Variants in ARHGEF12 observed in about 807,000 individuals in gnomAD.
ARHGEF12 encodes the protein Rho guanine nucleotide exchange factor 12, also known as KMT2A/ARHGEF12 fusion protein.
In ARHGEF12, 66 loss-of-function variants were observed where a neutral mutation model predicts 211.2. That is an observed-to-expected ratio of 0.31 (90% CI 0.26 to 0.38). The LOEUF (loss-of-function observed/expected upper bound fraction) is 0.38. Among genes scored for constraint, ARHGEF12 ranks in the 10% least tolerant of loss-of-function variants. The pLI is 1.00. For missense variants in ARHGEF12, 1,429 were observed against 1,869.5 expected, an observed-to-expected ratio of 0.76 and a Z score of 4.34; for synonymous variants, 592 against 638.4, an observed-to-expected ratio of 0.93 and a Z score of 1.09.
intron 1 of ARHGEF12, 52 bp downstream of exon 1, chr11:120,337,327 G>T: frequency 6.2e-7 from 1 of 1,612,590 alleles, no homozygotes; most frequent in East Asian, 2.2e-5. Flanking sequence ...GCCCGACCTA[G>T]CAGGGGAGTC....
chr11:120,467,188 T>C lies in ARHGEF12; in HGVS notation c.2740-6T>C. 1 of 1,576,810 alleles carries C rather than the reference T, an allele frequency of 6.3e-7. No homozygotes were observed. The highest frequency in any genetic ancestry group is 8.7e-7 in the Non-Finnish European group (1 of 1,148,426). Reference sequence around the variant, plus strand: ...TACAGATTCACTTATTTCACTTTAATTTTAGGATGCTGAAAGTAATCCACT... The same window carrying C: ...TACAGATTCACTTATTTCACTTTAACTTTAGGATGCTGAAAGTAATCCACT... On this transcript the variant is annotated splice_polypyrimidine_tract_variant and splice_region_variant and intron_variant, in intron 28 of 40. Coordinates refer to ENST00000397843, the MANE Select transcript of ARHGEF12 (RefSeq NM_015313.3).
chr11:120,429,303 A>G (rs1439299066), intron 8 of ARHGEF12, 137 bp from the exon 9 acceptor site: 7 of 597,290 alleles, frequency 1.2e-5, no homozygotes, highest in Non-Finnish European at 1.7e-5. Context: ...CTGTCCACAT[A>G]ACCCGGAAGT....
intron 1 of ARHGEF12, among the ~76,000 whole-genome samples, chr11:120,362,617 C>G (rs1294519598): frequency 6.6e-6 from 1 of 152,010 alleles, no homozygotes; most frequent in Non-Finnish European, 1.5e-5. Flanking sequence ...AGACTTGTCA[C>G]TGAAAAAAAA....
intron 1 of ARHGEF12, among the ~76,000 whole-genome samples, chr11:120,388,029 G>C (rs1428703677): frequency 1.3e-5 from 2 of 152,030 alleles, no homozygotes; most frequent in Non-Finnish European, 1.5e-5. Flanking sequence ...CACCACAATT[G>C]AGAAAATAAA....
At chr11:120,455,212 A>AG (rs2135870326) in intron 22 of ARHGEF12, among the ~76,000 whole-genome samples, 1 of 152,324 alleles carries the variant, frequency 6.6e-6, no homozygotes, top group African/African-American at 2.4e-5. Context: ...AAACAACAGG[A>AG]GAAAGTTTCC....
At chr11:120,421,701 A>G in intron 5 of ARHGEF12, 102 bp from the exon 6 acceptor site, 1 of 1,079,858 alleles carries the variant, frequency 9.3e-7, no homozygotes, top group South Asian at 1.3e-5. Flanking sequence ...CTCCCAAAGG[A>G]CAGCCCATGT....
In ARHGEF12 at chr11:120,447,095, A is replaced by T; in HGVS notation, c.1589+10A>T. 1 of 1,613,578 alleles carries T rather than the reference A, an allele frequency of 6.2e-7. No homozygotes were observed. The highest frequency in any genetic ancestry group is 8.5e-7 in the Non-Finnish European group (1 of 1,179,728). ...AAATTGAAGAAGTATTGTAAGTAAT[A>T]GAAGTATATGTGGAAATGCCCTCTC... is the stretch of plus-strand genomic sequence containing the variant. On this transcript the variant is annotated intron_variant, in intron 18 of 40. Transcript: ENST00000397843.
intron 1 of ARHGEF12, among the ~76,000 whole-genome samples, chr11:120,338,712 C>T (rs150184114): frequency 2.0e-5 from 3 of 152,262 alleles, no homozygotes; most frequent in African/African-American, 7.2e-5. Context: ...TCAATTCTCG[C>T]TCTTTCTGTT....
chr11:120,477,571 T>A (rs756005144), intron 36 of ARHGEF12, 45 bp downstream of exon 36: 1 of 1,559,010 alleles, frequency 6.4e-7, no homozygotes, highest in Non-Finnish European at 8.8e-7. Flanking sequence ...CTCTATTATC[T>A]GTTAAAATGC....
chr11:120,346,475 T>G (rs1942723901), intron 1 of ARHGEF12, among the ~76,000 whole-genome samples: 1 of 152,212 alleles, frequency 6.6e-6, no homozygotes, highest in South Asian at 2.1e-4. Context: ...TCAGCTCACA[T>G]GTCAGTGGCC....
intron 1 of ARHGEF12, among the ~76,000 whole-genome samples, chr11:120,350,254 G>A (rs1315454489): frequency 6.6e-6 from 1 of 152,162 alleles, no homozygotes; most frequent in Non-Finnish European, 1.5e-5. Flanking sequence ...GGTGGCTCAC[G>A]CTTGTAATCC....
intron 37 of ARHGEF12, among the ~76,000 whole-genome samples, 154 bp from the exon 38 acceptor site, chr11:120,479,806 A>G (rs1303273568): frequency 6.6e-6 from 1 of 152,264 alleles, no homozygotes; most frequent in Non-Finnish European, 1.5e-5. Flanking sequence ...ATGAAGTAAG[A>G]TGATTGTATG....
At chr11:120,430,111 GAT>G (rs942689963) in intron 10 of ARHGEF12, among the ~76,000 whole-genome samples, 12 of 151,104 alleles carry the variant, frequency 7.9e-5, no homozygotes, top group African/African-American at 1.9e-4. Flanking sequence ...AATGTATTTA[GAT>G]ATATATATAT....
At chr11:120,466,404 A>G (rs566714988) in intron 28 of ARHGEF12, among the ~76,000 whole-genome samples, 86 of 152,360 alleles carry the variant, frequency 5.6e-4, no homozygotes, top group Non-Finnish European at 1.1e-3. Context: ...CCAGGCCAGT[A>G]GGAATGTGGC....
At chr11:120,389,756 C>G (rs1944156374) in intron 1 of ARHGEF12, among the ~76,000 whole-genome samples, 1 of 152,178 alleles carries the variant, frequency 6.6e-6, no homozygotes, top group African/African-American at 2.4e-5. Flanking sequence ...TTAGCTTCCA[C>G]AAATGAGTGA....
chr11:120,337,952 G>GT, intron 1 of ARHGEF12: 1 of 961,572 alleles, frequency 1.0e-6, no homozygotes, highest in Non-Finnish European at 1.2e-6. Context: ...GATATAAGCC[G>GT]TAAGCATAGT....
At chr11:120,412,106 T>G (rs1053301011) in intron 4 of ARHGEF12, among the ~76,000 whole-genome samples, 4 of 152,230 alleles carry the variant, frequency 2.6e-5, no homozygotes, top group Non-Finnish European at 4.4e-5. Context: ...CCTTTCTACC[T>G]GTTAGAGTCT....
In ARHGEF12 at chr11:120,476,646, T is replaced by C. The variant is rs748160253; in HGVS notation, c.3278-15T>C. On this transcript the variant is annotated splice_polypyrimidine_tract_variant and intron_variant, in intron 33 of 40. Coordinates refer to ENST00000397843, the MANE Select transcript of ARHGEF12 (RefSeq NM_015313.3). Reference sequence around the variant, plus strand: ...AGGTCATAGTATTAGAGTAATCTTGTATTGTTTTTTCCAGATAACAAAGCT... The same window carrying C: ...AGGTCATAGTATTAGAGTAATCTTGCATTGTTTTTTCCAGATAACAAAGCT... The C allele has an allele frequency of 7.5e-6, 12 of 1,606,150 alleles. No homozygotes were observed. Among genetic ancestry groups the C allele is most frequent in the Non-Finnish European group, 1.0e-5 (12 of 1,174,634 alleles).
intron 4 of ARHGEF12, among the ~76,000 whole-genome samples, chr11:120,412,801 A>G (rs545792943): frequency 1.3e-5 from 2 of 151,454 alleles, no homozygotes; most frequent in Non-Finnish European, 2.9e-5. Context: ...TCATTTTTCC[A>G]CTCACCTAGT....
Sources: allele counts gnomAD v4.1 joint callset (sites outside exome capture counted in the v4.1 genomes callset), GRCh38; gene constraint gnomAD v4.1.1; transcripts MANE v1.5; gene names NCBI Gene and HGNC (gene_info 2026-07-23, HGNC 2026-07-21).